Variants in ZFPM2 observed in about 807,000 individuals in gnomAD.
ZFPM2 encodes the protein zinc finger protein, FOG family member 2, also known as zinc finger protein ZFPM2.
ZFPM2 carries 20 observed loss-of-function variants against 98.6 expected under a neutral mutation model. That is an observed-to-expected ratio of 0.20 (90% CI 0.14 to 0.29). The LOEUF is 0.29. ZFPM2 is among the 10% of genes least tolerant of loss of function. The probability of loss-of-function intolerance (pLI) is 1.00; values close to 1 mark genes in which losing one functional copy is unlikely to be tolerated. For synonymous variants in ZFPM2, 518 were observed against 502.7 expected, an observed-to-expected ratio of 1.03 and a Z score of -0.41; for missense variants, 1,310 against 1,388.6, an observed-to-expected ratio of 0.94 and a Z score of 0.90.
chr8:105,664,410 A>G (rs1349872385), intron 5 of ZFPM2, among the ~76,000 whole-genome samples: 1 of 151,142 alleles, frequency 6.6e-6, no homozygotes, highest in East Asian at 1.9e-4. Context: ...ATCTCAGCTC[A>G]CTGCAACCTC....
intron 1 of ZFPM2, among the ~76,000 whole-genome samples, chr8:105,378,577 ATATT>A (rs1810777818): frequency 6.6e-6 from 1 of 152,176 alleles, no homozygotes; most frequent in African/African-American, 2.4e-5. Context: ...CGCTCGGTAA[ATATT>A]TATTTTGTGA....
intron 3 of ZFPM2, among the ~76,000 whole-genome samples, chr8:105,526,330 A>G (rs1239165991): frequency 1.3e-5 from 2 of 152,150 alleles, no homozygotes; most frequent in African/African-American, 4.8e-5. Context: ...CCAAGAAAGT[A>G]TGAGGAGGTA....
At chr8:105,665,450 A>T (rs546713296) in intron 5 of ZFPM2, among the ~76,000 whole-genome samples, 1 of 152,292 alleles carries the variant, frequency 6.6e-6, no homozygotes, top group South Asian at 2.1e-4. Flanking sequence ...CCTGCCATGG[A>T]TTTCAGAGCC....
At chr8:105,320,469 G>A (rs1221637664) in intron 1 of ZFPM2, among the ~76,000 whole-genome samples, 1 of 152,130 alleles carries the variant, frequency 6.6e-6, no homozygotes, top group East Asian at 1.9e-4. Flanking sequence ...TTTTCAGAAT[G>A]ATTATTCATG....
chr8:105,741,441 T>C (rs1812213168), intron 5 of ZFPM2, among the ~76,000 whole-genome samples: 1 of 152,110 alleles, frequency 6.6e-6, no homozygotes, highest in Non-Finnish European at 1.5e-5. Flanking sequence ...TATATTGCCA[T>C]GCTGTTGGAG....
chr8:105,386,574 G>C (rs557622435), intron 1 of ZFPM2, among the ~76,000 whole-genome samples: 1 of 152,180 alleles, frequency 6.6e-6, no homozygotes, highest in Non-Finnish European at 1.5e-5. Context: ...AGACCTTTTC[G>C]GTGAGTGTTA....
intron 5 of ZFPM2, among the ~76,000 whole-genome samples, chr8:105,787,774 A>G (rs1315218495): frequency 6.6e-6 from 1 of 152,192 alleles, no homozygotes; most frequent in African/African-American, 2.4e-5. Flanking sequence ...AGTATGCTGC[A>G]TTATTTCAGG....
At chr8:105,405,594 A>G (rs1397632561) in intron 1 of ZFPM2, among the ~76,000 whole-genome samples, 1 of 151,808 alleles carries the variant, frequency 6.6e-6, no homozygotes, top group East Asian at 1.9e-4. Flanking sequence ...CCATGTCCCT[A>G]CAAAGGACAT....
At chr8:105,773,351 C>A (rs1813026099) in intron 5 of ZFPM2, among the ~76,000 whole-genome samples, 7 of 151,926 alleles carry the variant, frequency 4.6e-5, no homozygotes, top group Non-Finnish European at 2.9e-5. Flanking sequence ...ATCTAGTAAC[C>A]TTTCAGATAA....
chr8:105,558,519 A>G (rs1313812587), intron 3 of ZFPM2, among the ~76,000 whole-genome samples: 1 of 152,178 alleles, frequency 6.6e-6, no homozygotes, highest in Non-Finnish European at 1.5e-5. Context: ...TGGATAATCA[A>G]AGACACTTCA....
In ZFPM2 at chr8:105,644,297, T is replaced by TAA. The variant is rs58170875; in HGVS notation, c.532+9949_532+9950dup. ...TTCTTTCTTTTCTTTTTTTTTTTTT[T>TAA]AAAAAAAAAACAGGGTTTTGCCATG... On this transcript the variant is annotated intron_variant, in intron 5 of 7. Coordinates refer to ENST00000407775, the MANE Select transcript of ZFPM2 (RefSeq NM_012082.4). Among the ~76,000 whole-genome samples, 136 of 145,576 alleles carry TAA rather than the reference T, an allele frequency of 9.3e-4. 2 individuals carry two copies. Among genetic ancestry groups the TAA allele is most frequent in the Admixed American group, 9.0e-3 (132 of 14,614 alleles).
In ZFPM2 at chr8:105,419,142, AG is replaced by A. The variant is rs751526316; in HGVS notation, c.42del. The A allele has an allele frequency of 6.2e-7, 1 of 1,609,364 alleles. No homozygotes were observed. Among genetic ancestry groups the A allele is most frequent in the Non-Finnish European group, 8.5e-7 (1 of 1,178,542 alleles). ...GTACAGTTTCCCTGATTCTTTTTCA[AG>A]GGCCGCTTGAAGATGCCATTGAAGA... On this transcript the variant is annotated splice_acceptor_variant, in intron 1 of 7. Transcript: ENST00000407775. LOFTEE classifies it high-confidence loss of function.
intron 6 of ZFPM2, among the ~76,000 whole-genome samples, chr8:105,792,676 A>T (rs1813656049): frequency 6.6e-6 from 1 of 152,132 alleles, no homozygotes; most frequent in Non-Finnish European, 1.5e-5. Context: ...TCTAATGTTG[A>T]CAGTGGGGTG....
At chr8:105,527,322 G>A (rs749639817) in intron 3 of ZFPM2, among the ~76,000 whole-genome samples, 1 of 152,174 alleles carries the variant, frequency 6.6e-6, no homozygotes, top group Non-Finnish European at 1.5e-5. Context: ...ATTGGTTGGA[G>A]AAAAGGGGAT....
chr8:105,499,601 A>G (rs528094493), intron 3 of ZFPM2, among the ~76,000 whole-genome samples: 2 of 152,332 alleles, frequency 1.3e-5, no homozygotes, highest in African/African-American at 4.8e-5. Context: ...TCAGATTCCC[A>G]AGCTCTCTGT....
chr8:105,795,657 A>G (rs1375771872), intron 6 of ZFPM2: 4 of 311,926 alleles, frequency 1.3e-5, no homozygotes, highest in Non-Finnish European at 2.5e-5. Flanking sequence ...AACACTTTAT[A>G]TGGAGAATTT....
chr8:105,763,889 T>C (rs1032248761), intron 5 of ZFPM2, among the ~76,000 whole-genome samples: 1 of 151,840 alleles, frequency 6.6e-6, no homozygotes, highest in Non-Finnish European at 1.5e-5. Context: ...ATAAACATCA[T>C]GGTCCTAAGA....
At chr8:105,635,301 A>C (rs1335179878) in intron 5 of ZFPM2, among the ~76,000 whole-genome samples, 4 of 152,162 alleles carry the variant, frequency 2.6e-5, no homozygotes, top group Non-Finnish European at 5.9e-5. Context: ...TTAACATATA[A>C]AACACTAATC....
intron 3 of ZFPM2, among the ~76,000 whole-genome samples, chr8:105,550,112 A>G (rs1209287516): frequency 6.6e-6 from 1 of 152,158 alleles, no homozygotes; most frequent in Non-Finnish European, 1.5e-5. Context: ...ACAGAAATGT[A>G]AAATGTTTTG....
Sources: allele counts gnomAD v4.1 joint callset (sites outside exome capture counted in the v4.1 genomes callset), GRCh38; gene constraint gnomAD v4.1.1; transcripts MANE v1.5; gene names NCBI Gene and HGNC (gene_info 2026-07-23, HGNC 2026-07-21).